SEPTIN6: variants seen among roughly 807,000 people sequenced by gnomAD.
The protein encoded by SEPTIN6 is septin 6, also known as septin-6.
In SEPTIN6, 8 loss-of-function variants were observed where a neutral mutation model predicts 33.6. The ratio of observed to expected loss-of-function variants is 0.24; its 90% confidence interval spans 0.14 to 0.43. The LOEUF is 0.43. Among genes scored for constraint, SEPTIN6 ranks in the 20% least tolerant of loss-of-function variants. SEPTIN6 has a pLI of 1.00. For missense variants in SEPTIN6, 250 were observed against 340.8 expected (o/e 0.73, Z 2.10); for synonymous variants, 131 against 140.0 (o/e 0.94, Z 0.45).
chrX:119,669,949 T>C (rs2054712587), intron 2 of SEPTIN6, among the ~76,000 whole-genome samples: 1 of 111,764 alleles, frequency 8.9e-6, no homozygotes, highest in Non-Finnish European at 1.9e-5. Context: ...ATTATCATTA[T>C]GACCCTTTGT....
intron 1 of SEPTIN6, among the ~76,000 whole-genome samples, chrX:119,686,010 G>A (rs2055049195): frequency 8.9e-6 from 1 of 111,896 alleles, no homozygotes; most frequent in Non-Finnish European, 1.9e-5. Context: ...CCTCAGGCCA[G>A]GGGTGACCCT....
intron 6 of SEPTIN6, among the ~76,000 whole-genome samples, chrX:119,640,001 G>A (rs1396384022): frequency 9.6e-6 from 1 of 104,462 alleles, no homozygotes; most frequent in African/African-American, 3.5e-5. Context: ...TAGTAGAAAC[G>A]GGGTTTCACC....
Position 119,617,993 on chromosome X carries a change from C to G in SEPTIN6, c.*2100G>C, listed in dbSNP as rs892744409. ...TGTAATGCAAATAATTACCGGGCGG[C>G]GGTGTGGGGAAGTGGTGGTTACCGG... On this transcript the variant is annotated 3_prime_UTR_variant, in exon 11 of 11. Transcript: ENST00000394610. 1.2e-6 allele frequency: 1 copy of G among 800,321 alleles called. No homozygotes were observed. Among genetic ancestry groups the G allele is most frequent in the Admixed American group, 8.0e-5 (1 of 12,578 alleles). The allele number at this position is 800,321 out of a possible 1,213,427, so 66.0% of individuals were successfully genotyped here. A position where few individuals can be genotyped will look rare whatever the true frequency, so the allele number is the denominator to read the frequency against.
chrX:119,649,440 AT>A (rs2054317289), intron 5 of SEPTIN6, among the ~76,000 whole-genome samples: 1 of 100,034 alleles, frequency 1.0e-5, no homozygotes, highest in South Asian at 4.9e-4. Context: ...GTGAGCCGAG[AT>A]TGTGCCACTG....
intron 3 of SEPTIN6, 21 bp downstream of exon 3, chrX:119,663,461 C>A: frequency 1.0e-6 from 1 of 1,001,709 alleles, no homozygotes. Flanking sequence ...CCACCCTACC[C>A]CACCCCACCG....
intron 7 of SEPTIN6, chrX:119,635,170 G>A: frequency 2.9e-6 from 1 of 340,236 alleles, no homozygotes; most frequent in Non-Finnish European, 5.8e-6. Context: ...CAGGTGGATG[G>A]TGGTATCATG....
intron 6 of SEPTIN6, among the ~76,000 whole-genome samples, chrX:119,640,489 T>A (rs1368012524): frequency 1.6e-5 from 1 of 64,066 alleles, no homozygotes; most frequent in African/African-American, 7.0e-5. Context: ...CCATTAGAAA[T>A]TAGAGGGAGC....
chrX:119,684,679 C>T (rs751893778), intron 1 of SEPTIN6, among the ~76,000 whole-genome samples: 4 of 108,894 alleles, frequency 3.7e-5, no homozygotes, highest in Admixed American at 9.8e-5. Context: ...TTAGAAGAGA[C>T]GGGGTTTTGC....
chrX:119,619,555 T>C lies in SEPTIN6; in HGVS notation c.*538A>G, dbSNP rs1163133205. ...GAAAAGGCGCCAAAGGCTGTCCTTT[T>C]GAAACCCTCTAAGAAATGGCTGTGG... is the stretch of plus-strand genomic sequence containing the variant. On this transcript the variant is annotated 3_prime_UTR_variant, in exon 11 of 11. Transcript: ENST00000394610. 1 of 819,480 alleles carries C rather than the reference T, an allele frequency of 1.2e-6. No homozygotes were observed. The highest frequency in any genetic ancestry group is 2.1e-5 in the African/African-American group (1 of 46,886). 67.5% of individuals were successfully genotyped at this position (819,480 alleles called of 1,213,427 possible).
intron 5 of SEPTIN6, among the ~76,000 whole-genome samples, chrX:119,645,235 C>T (rs1325399655): frequency 1.1e-5 from 1 of 88,777 alleles, no homozygotes; most frequent in Non-Finnish European, 2.2e-5. Context: ...AAAGGCCCTA[C>T]CTTTTTTTTT....
chrX:119,657,218 C>CAAA (rs371794037), intron 3 of SEPTIN6, among the ~76,000 whole-genome samples: 1 of 65,585 alleles, frequency 1.5e-5, no homozygotes, highest in African/African-American at 5.4e-5. Flanking sequence ...GATTCCGTCT[C>CAAA]AAAAAAAAAA....
At chrX:119,640,551 C>A in intron 6 of SEPTIN6, 141 bp downstream of exon 6, 1 of 470,770 alleles carries the variant, frequency 2.1e-6, no homozygotes, top group Non-Finnish European at 3.6e-6. Flanking sequence ...TTGCTAGTGA[C>A]CCCTATGGCT....
At chrX:119,654,768 T>G (rs1272711666) in intron 3 of SEPTIN6, among the ~76,000 whole-genome samples, 1 of 111,333 alleles carries the variant, frequency 9.0e-6, no homozygotes, top group East Asian at 2.8e-4. Context: ...CTCCACTCAC[T>G]GCAACCTCTG....
In SEPTIN6 at chrX:119,618,550, A is replaced by G; in HGVS notation, c.*1543T>C. 2.1e-6 allele frequency: 2 copies of G among 955,851 alleles called. No individual in the cohort carries two copies. 78.8% of individuals were successfully genotyped at this position (955,851 alleles called of 1,213,427 possible). A position where few individuals can be genotyped will look rare whatever the true frequency, so the allele number is the denominator to read the frequency against. ...GATCAAAAAAAGAAACTCTAAAAAAAAAATAGAAGTAGGTGGTCATGGTCA... is the reference window on the plus strand; with the variant it reads ...GATCAAAAAAAGAAACTCTAAAAAAGAAATAGAAGTAGGTGGTCATGGTCA... On this transcript the variant is annotated 3_prime_UTR_variant, in exon 11 of 11. Coordinates refer to ENST00000394610, the MANE Select transcript of SEPTIN6 (RefSeq NM_145799.4).
At position 119,618,851 on chromosome X, in the gene SEPTIN6, T is replaced by C; in HGVS notation, c.*1242A>G. 8.3e-7 allele frequency: 1 copy of C among 1,203,376 alleles called. No homozygotes were observed. The highest frequency in any genetic ancestry group is 2.3e-4 in the Middle Eastern group (1 of 4,282). The stretch of plus-strand genomic sequence containing the variant: ...ATCATTGCCAGGTCAACTCCATCTC[T>C]CACACTGTCACTGGCCAAACACCAA... On this transcript the variant is annotated 3_prime_UTR_variant, in exon 11 of 11. Coordinates refer to ENST00000394610, the MANE Select transcript of SEPTIN6 (RefSeq NM_145799.4).
At chrX:119,616,303 A>G (rs2053664759), downstream of SEPTIN6, 1 of 312,336 alleles carries the variant, frequency 3.2e-6, no homozygotes, top group Non-Finnish European at 5.8e-6. Context: ...GTAGACAGTC[A>G]ACCCATCGAA....
rs2054824925 is a variant in SEPTIN6 at position 119,675,400 on chromosome X, C to CA, written c.145+153dup. Among the ~76,000 whole-genome samples the CA allele has an allele frequency of 4.5e-5, 5 of 110,938 alleles. No homozygotes were observed. In the East Asian group the frequency reaches 1.4e-3, roughly 31 times the overall value. ...AAAAGTAATTACAGCCAGCTGTTTA[C>CA]AAAAAACAGGCAGAGAGATAAAAGA... is the stretch of plus-strand genomic sequence containing the variant. On this transcript the variant is annotated intron_variant, in intron 2 of 10. Coordinates refer to ENST00000394610, the MANE Select transcript of SEPTIN6 (RefSeq NM_145799.4).
intron 1 of SEPTIN6, among the ~76,000 whole-genome samples, chrX:119,678,999 G>A (rs747750023): frequency 6.3e-5 from 7 of 110,745 alleles, no homozygotes; most frequent in Non-Finnish European, 1.1e-4. Flanking sequence ...CCAGGCTAGA[G>A]TGCAGTGGCG....
At chrX:119,630,892 G>GA (rs112337408) in intron 8 of SEPTIN6, among the ~76,000 whole-genome samples, 11,877 of 97,750 alleles carry the variant, frequency 0.12, 1,189 homozygotes, top group African/African-American at 0.31. Flanking sequence ...CTCTGTCTCG[G>GA]AAAAAAAAAA....
Sources: allele counts gnomAD v4.1 joint callset (sites outside exome capture counted in the v4.1 genomes callset), GRCh38; gene constraint gnomAD v4.1.1; transcripts MANE v1.5; gene names NCBI Gene and HGNC (gene_info 2026-07-23, HGNC 2026-07-21).